The following STPG2 variants were observed in gnomAD, a reference collection of about 807,000 sequenced individuals.
STPG2 encodes sperm tail PG-rich repeat containing 2.
In STPG2, 56 loss-of-function variants were observed where a neutral mutation model predicts 54.2. The ratio of observed to expected loss-of-function variants is 1.03; its 90% confidence interval spans 0.83 to 1.29. The LOEUF is 1.29. STPG2 is among the 50% of genes most tolerant of loss of function. The pLI is 0.00. For missense variants in STPG2, 596 were observed against 544.9 expected (o/e 1.09, Z -0.93); for synonymous variants, 200 against 181.8 (o/e 1.10, Z -0.81).
intron 5 of STPG2, among the ~76,000 whole-genome samples, chr4:98,089,056 T>A (rs946364165): frequency 2.0e-5 from 3 of 151,236 alleles, no homozygotes; most frequent in African/African-American, 7.3e-5. Context: ...AATCCTGCCA[T>A]TTTTTTTTAA....
At position 98,050,449 on chromosome 4, in the gene STPG2, T is replaced by A. The variant is rs200833581; in HGVS notation, c.612+55504A>T. Among the ~76,000 whole-genome samples, 95 of 151,810 alleles carry A rather than the reference T, an allele frequency of 6.3e-4. No homozygotes were observed. In the Middle Eastern group the frequency reaches 0.01, roughly 16 times the overall value. ...TATTCACATTAAGTTTTTTATTTTT[T>A]AAAAAAAAGGGGGTTCTGCCCCTCT... On this transcript the variant is annotated intron_variant, in intron 5 of 10. Transcript: ENST00000295268.
At chr4:97,981,533 T>C (rs931850498) in intron 5 of STPG2, among the ~76,000 whole-genome samples, 2 of 152,064 alleles carry the variant, frequency 1.3e-5, no homozygotes, top group Non-Finnish European at 2.9e-5. Context: ...AGTAATGTAT[T>C]ATGTGCCTTA....
chr4:97,735,794 T>C (rs920867646), intron 9 of STPG2, among the ~76,000 whole-genome samples: 3 of 151,894 alleles, frequency 2.0e-5, no homozygotes, highest in African/African-American at 4.8e-5. Context: ...ACCTTATATA[T>C]AGACACAGGG....
At chr4:97,838,143 T>C (rs1468439079) in intron 9 of STPG2, among the ~76,000 whole-genome samples, 1 of 151,546 alleles carries the variant, frequency 6.6e-6, no homozygotes, top group African/African-American at 2.4e-5. Flanking sequence ...TTTTATCTGA[T>C]GTATAAGAAA....
At chr4:98,135,926 T>G (rs2110169488) in intron 1 of STPG2, among the ~76,000 whole-genome samples, 1 of 151,652 alleles carries the variant, frequency 6.6e-6, no homozygotes, top group Non-Finnish European at 1.5e-5. Flanking sequence ...ACACTCAAAC[T>G]ACATATAAAA....
chr4:97,851,323 T>C (rs2149131174), intron 8 of STPG2, among the ~76,000 whole-genome samples: 1 of 152,302 alleles, frequency 6.6e-6, no homozygotes, highest in South Asian at 2.1e-4. Context: ...ATATGTCAGT[T>C]ATAAGTGCAT....
In STPG2 at chr4:98,082,398, C is replaced by T. The variant is rs1330503660; in HGVS notation, c.612+23555G>A. On this transcript the variant is annotated intron_variant, in intron 5 of 10. Coordinates refer to ENST00000295268, the MANE Select transcript of STPG2 (RefSeq NM_174952.3). ...ACTATTAAAGAAACGTGTACCTGGT[C>T]GCTTTTCTTCCCATCTTTCCCATGT... 4.4e-5 allele frequency among the ~76,000 whole-genome samples: 6 copies of T among 135,634 alleles called. No homozygotes were observed. In the Admixed American group the frequency reaches 4.6e-4, roughly 11 times the overall value. The allele number at this position is 135,634 out of a possible 152,430, so 89.0% of individuals were successfully genotyped here. A position where few individuals can be genotyped will look rare whatever the true frequency, so the allele number is the denominator to read the frequency against.
At chr4:98,070,316 A>T (rs1737961461) in intron 5 of STPG2, among the ~76,000 whole-genome samples, 1 of 152,036 alleles carries the variant, frequency 6.6e-6, no homozygotes, top group African/African-American at 2.4e-5. Flanking sequence ...AAAATTCAAC[A>T]TCCTTCATGT....
chr4:97,712,597 T>C, intron 10 of STPG2, 102 bp downstream of exon 10: 1 of 710,906 alleles, frequency 1.4e-6, no homozygotes, highest in Non-Finnish European at 2.1e-6. Context: ...ATCAGCAATG[T>C]GAATAAAATA....
chr4:97,557,000 G>A (rs1732092802), downstream of STPG2, among the ~76,000 whole-genome samples: 1 of 152,146 alleles, frequency 6.6e-6, no homozygotes, highest in Non-Finnish European at 1.5e-5. Context: ...GGTCAACAAG[G>A]TGAAACCCTG....
chr4:97,679,733 T>C (rs1722969209), intron 10 of STPG2, among the ~76,000 whole-genome samples: 1 of 152,154 alleles, frequency 6.6e-6, no homozygotes, highest in Admixed American at 6.5e-5. Context: ...ATGCCTAGGT[T>C]TTCTTCTAGG....
At position 97,495,677 on chromosome 4, in the gene STPG2, A is replaced by G. The variant is rs1187379701; in HGVS notation, c.462+217022T>C. ...AGCTACTTATTTTGCCAAATATTAT[A>G]ATTTTAAATGTTTGGGAAAGGGATG... On this transcript the variant is annotated intron_variant, in intron 4 of 4. Transcript: ENST00000522676. 3.4e-5 allele frequency among the ~76,000 whole-genome samples: 5 copies of G among 145,484 alleles called. No homozygotes were observed. The South Asian group carries it at 8.8e-4, about 26-fold the overall frequency.
intron 9 of STPG2, among the ~76,000 whole-genome samples, chr4:97,839,509 T>A (rs72617713): frequency 0.02 from 2,975 of 151,686 alleles, 117 homozygotes; most frequent in Admixed American, 0.1. Flanking sequence ...TATTTCTTAT[T>A]TAATTGATTG....
intron 8 of STPG2, among the ~76,000 whole-genome samples, chr4:97,862,370 C>T (rs1051359641): frequency 2.6e-5 from 4 of 151,986 alleles, no homozygotes; most frequent in South Asian, 2.1e-4. Context: ...TAATGGTAAA[C>T]GGATCAATTC....
chr4:97,925,878 T>A (rs1023286786), intron 8 of STPG2, among the ~76,000 whole-genome samples: 4 of 152,154 alleles, frequency 2.6e-5, no homozygotes, highest in Non-Finnish European at 5.9e-5. Context: ...CTCCATAAGA[T>A]CTCTGCAAGC....
chr4:97,597,018 G>T (rs770089619), intron 10 of STPG2, among the ~76,000 whole-genome samples: 1 of 151,962 alleles, frequency 6.6e-6, no homozygotes, highest in Non-Finnish European at 1.5e-5. Flanking sequence ...CAGATGCCCA[G>T]CTAGACTAAG....
chr4:97,951,924 G>T (rs1055807732), intron 7 of STPG2, among the ~76,000 whole-genome samples: 3 of 152,094 alleles, frequency 2.0e-5, no homozygotes, highest in African/African-American at 7.2e-5. Flanking sequence ...GCTGGAGGTT[G>T]GGAGAAGCTC....
intron 10 of STPG2, among the ~76,000 whole-genome samples, chr4:97,655,540 G>A (rs1157363707): frequency 1.3e-4 from 19 of 151,824 alleles, no homozygotes; most frequent in Non-Finnish European, 4.4e-5. Context: ...TACTATTTTG[G>A]ATGAAGAGAT....
At chr4:97,869,933 C>T (rs1729926311) in intron 8 of STPG2, among the ~76,000 whole-genome samples, 1 of 151,454 alleles carries the variant, frequency 6.6e-6, no homozygotes, top group African/African-American at 2.4e-5. Context: ...GACAAGAACC[C>T]GGGTCTTCCA....
Sources: allele counts gnomAD v4.1 joint callset (sites outside exome capture counted in the v4.1 genomes callset), GRCh38; gene constraint gnomAD v4.1.1; transcripts MANE v1.5; gene names NCBI Gene and HGNC (gene_info 2026-07-23, HGNC 2026-07-21).